The following MYO1H variants were observed in gnomAD, a reference collection of about 807,000 sequenced individuals.
MYO1H encodes the protein unconventional myosin-Ih.
MYO1H carries 118 observed loss-of-function variants against 149.3 expected under a neutral mutation model. That is an observed-to-expected ratio of 0.79 (90% CI 0.68 to 0.92). The LOEUF (loss-of-function observed/expected upper bound fraction) is 0.92. Among genes scored for constraint, MYO1H ranks in the 40% least tolerant of loss-of-function variants. The pLI is 0.00. For synonymous variants in MYO1H, 447 were observed against 465.2 expected (o/e 0.96, Z 0.50); for missense variants, 1,212 against 1,280.7 (o/e 0.95, Z 0.82).
the MYO1H span, among the ~76,000 whole-genome samples, chr12:109,325,601 C>A: frequency 2.0e-5 from 3 of 152,250 alleles, no homozygotes; most frequent in East Asian, 5.8e-4. Flanking sequence ...AATTAAAGAG[C>A]TTTTGCACAG....
At chr12:109,440,659 GTTTTT>G in intron 24 of MYO1H, 80 bp from the exon 25 acceptor site, 1 of 981,792 alleles carries the variant, frequency 1.0e-6, no homozygotes, top group Non-Finnish European at 1.6e-6. Flanking sequence ...ATTCAGCAGT[GTTTTT>G]TTAAAGCTTC....
At chr12:109,328,517 T>C in the MYO1H span, among the ~76,000 whole-genome samples, 1 of 152,124 alleles carries the variant, frequency 6.6e-6, no homozygotes, top group South Asian at 2.1e-4. Context: ...TTTAAACTGA[T>C]GAGACAACTG....
intron 26 of MYO1H, 117 bp from the exon 27 acceptor site, chr12:109,442,100 A>G: frequency 4.8e-6 from 4 of 836,282 alleles, no homozygotes; most frequent in South Asian, 1.5e-5. Context: ...CCTGATGGCT[A>G]TTTCCCCACC....
chr12:109,320,586 T>G, the MYO1H span, among the ~76,000 whole-genome samples: 586 of 134,062 alleles, frequency 4.4e-3, 4 homozygotes, highest in African/African-American at 0.016. Context: ...ATCGCACCAC[T>G]GCACTCCAGC....
In MYO1H at chr12:109,357,932, C is replaced by A. The variant is rs1296854782; in HGVS notation, c.12+9960C>A. 3.3e-5 allele frequency among the ~76,000 whole-genome samples: 5 copies of A among 152,036 alleles called. No individual in the cohort carries two copies. The East Asian group carries it at 9.6e-4, about 29-fold the overall frequency. On this transcript the variant is annotated intron_variant, in intron 1 of 31. Transcript: ENST00000310903. ...ACCATTTAAAAATGTAAAAGCCATTCTTAGCTCAAGTGTCATTCTAAAACA... is the reference window on the plus strand; with the variant it reads ...ACCATTTAAAAATGTAAAAGCCATTATTAGCTCAAGTGTCATTCTAAAACA...
the MYO1H span, among the ~76,000 whole-genome samples, chr12:109,323,889 A>G: frequency 5.9e-5 from 9 of 152,102 alleles, no homozygotes; most frequent in Non-Finnish European, 1.0e-4. Flanking sequence ...CAGAAAGTGT[A>G]TAATGGTTGG....
At chr12:109,354,589 C>G (rs1162924418) in intron 1 of MYO1H, among the ~76,000 whole-genome samples, 1 of 145,660 alleles carries the variant, frequency 6.9e-6, no homozygotes, top group Non-Finnish European at 1.5e-5. Context: ...CACTGCACTC[C>G]AGCCTGGGTG....
chr12:109,371,309 C>T (rs1041525173), intron 1 of MYO1H, among the ~76,000 whole-genome samples: 4 of 151,254 alleles, frequency 2.6e-5, no homozygotes, highest in South Asian at 2.1e-4. Context: ...TCTACCTCCC[C>T]GGGCTCAGAT....
chr12:109,388,988 A>C, intron 2 of MYO1H, 144 bp downstream of exon 2: 1 of 1,105,920 alleles, frequency 9.0e-7, no homozygotes, highest in Non-Finnish European at 1.3e-6. Flanking sequence ...ATGCACTTCG[A>C]TCCTTTGTGC....
At chr12:109,397,765 A>G (rs1309607216) in exon 5 of MYO1H, 2 of 1,612,610 alleles carry the variant, frequency 1.2e-6, no homozygotes, top group Non-Finnish European at 1.7e-6. Flanking sequence ...CCGGAATGAC[A>G]ACTCCAGCAG....
chr12:109,424,530 G>A (rs7970482), intron 16 of MYO1H, among the ~76,000 whole-genome samples: 50,208 of 152,078 alleles, frequency 0.33, 8,451 homozygotes, highest in Admixed American at 0.4. Context: ...GAGAAAAAAC[G>A]TCTGGCTTCA....
At chr12:109,326,556 CTG>C in the MYO1H span, among the ~76,000 whole-genome samples, 1 of 147,864 alleles carries the variant, frequency 6.8e-6, no homozygotes, top group East Asian at 2.0e-4. Context: ...GCATCTCACT[CTG>C]TTGTTCAGTC....
At chr12:109,439,954 G>A (rs976638994) in intron 24 of MYO1H, among the ~76,000 whole-genome samples, 164 bp downstream of exon 24, 1 of 152,152 alleles carries the variant, frequency 6.6e-6, no homozygotes, top group Non-Finnish European at 1.5e-5. Context: ...CTCAGAATTT[G>A]CGATGTCCTT....
At chr12:109,384,767 G>T (rs1477384834) in intron 1 of MYO1H, among the ~76,000 whole-genome samples, 1 of 152,112 alleles carries the variant, frequency 6.6e-6, no homozygotes, top group Non-Finnish European at 1.5e-5. Context: ...TAGGCTGACT[G>T]CAGGAGTACC....
intron 1 of MYO1H, among the ~76,000 whole-genome samples, chr12:109,368,066 T>G: frequency 6.6e-6 from 1 of 152,194 alleles, no homozygotes; most frequent in Non-Finnish European, 1.5e-5. Flanking sequence ...CTCTCCAAAT[T>G]GTCTTGACCT....
rs188254806 is a variant in MYO1H, at chr12:109,352,615, G to T, written c.12+4643G>T. On this transcript the variant is annotated intron_variant, in intron 1 of 31. Coordinates refer to ENST00000310903, the Ensembl canonical transcript of MYO1H. ...TTTTCTCCCCGACATGTATGATGAA[G>T]TGTGTTAAACATACAGAAAAGAAGA... Among the ~76,000 whole-genome samples, 325 of 152,272 alleles carry T rather than the reference G, an allele frequency of 2.1e-3. 2 individuals carry two copies. Among genetic ancestry groups the T allele is most frequent in the African/African-American group, 7.2e-3 (298 of 41,554 alleles).
chr12:109,390,374 A>G (rs569807508), intron 2 of MYO1H, among the ~76,000 whole-genome samples: 1 of 151,882 alleles, frequency 6.6e-6, no homozygotes, highest in South Asian at 2.1e-4. Flanking sequence ...ACTTTAGTGC[A>G]TCCTGTATTT....
intron 18 of MYO1H, among the ~76,000 whole-genome samples, chr12:109,426,871 G>A (rs920643783): frequency 4.6e-5 from 7 of 152,156 alleles, no homozygotes; most frequent in Non-Finnish European, 8.8e-5. Context: ...GCAAACTGGA[G>A]AAGGCACATT....
exon 32 of MYO1H, chr12:109,448,142 T>C (rs1345262550): frequency 6.6e-6 from 1 of 152,228 alleles, no homozygotes; most frequent in Non-Finnish European, 1.5e-5. Flanking sequence ...CAGTTTAATA[T>C]GAGAAGTGCT....
Sources: gnomAD v4.1 joint callset for allele counts (sites outside exome capture counted in the v4.1 genomes callset) on GRCh38, gnomAD v4.1.1 for gene constraint, MANE v1.5 for transcripts, NCBI Gene and HGNC (gene_info 2026-07-23, HGNC 2026-07-21) for gene names.